Variants in LIPG observed in about 807,000 individuals in gnomAD.
LIPG encodes lipase G, endothelial type, also known as endothelial lipase.
In LIPG, 34 loss-of-function variants were observed where a neutral mutation model predicts 51.8. That is an observed-to-expected ratio of 0.66 (90% CI 0.50 to 0.87). The LOEUF is 0.87. LIPG is among the 40% of genes least tolerant of loss of function. The pLI is 0.00. For synonymous variants in LIPG, 246 were observed against 246.1 expected (o/e 1.00, Z 0.00); for missense variants, 580 against 652.7 (o/e 0.89, Z 1.21).
chr18:49,569,353 C>G, intron 3 of LIPG, 84 bp from the exon 4 acceptor site: 2 of 1,155,482 alleles, frequency 1.7e-6, no homozygotes. Flanking sequence ...CCTCCTGCTC[C>G]GTGACTGAGT....
chr18:49,576,214 G>A (rs1235833996), intron 5 of LIPG, among the ~76,000 whole-genome samples: 2 of 151,986 alleles, frequency 1.3e-5, no homozygotes, highest in Admixed American at 6.6e-5. Flanking sequence ...CTTGAATAAA[G>A]CAAAAGTGCG....
At chr18:49,574,970 C>T (rs1007853554) in intron 4 of LIPG, among the ~76,000 whole-genome samples, 5 of 152,148 alleles carry the variant, frequency 3.3e-5, no homozygotes, top group Non-Finnish European at 7.3e-5. Context: ...ATGAAAGATG[C>T]TCAGTGGCAG....
chr18:49,570,274 A>G (rs1343879630), intron 4 of LIPG, among the ~76,000 whole-genome samples: 1 of 152,234 alleles, frequency 6.6e-6, no homozygotes, highest in African/African-American at 2.4e-5. Context: ...AGCTTTTAAC[A>G]TGAGAGTTTG....
intron 8 of LIPG, among the ~76,000 whole-genome samples, chr18:49,585,586 G>T (rs2084872150): frequency 6.6e-6 from 1 of 152,160 alleles, no homozygotes; most frequent in African/African-American, 2.4e-5. Context: ...TAGTTGAGTT[G>T]TTGCTTTTTT....
At chr18:49,571,002 G>A (rs79181622) in intron 4 of LIPG, among the ~76,000 whole-genome samples, 7,782 of 152,260 alleles carry the variant, frequency 0.051, 304 homozygotes, top group Non-Finnish European at 0.066. Flanking sequence ...TAGTATGTGC[G>A]TGCACACACA....
Position 49,591,248 on chromosome 18 carries a change from A to G in LIPG, c.*726A>G, listed in dbSNP as rs2084940677. 2 of 155,552 alleles carry G rather than the reference A, an allele frequency of 1.3e-5. No homozygotes were observed. The allele number at this position is 155,552 out of a possible 1,614,324, so 9.6% of individuals were successfully genotyped here. ...ATTTCTAGACCCTCTTTCTGTTTGG[A>G]TGGTGTATGTGTATATGCATGGGGA... On this transcript the variant is annotated 3_prime_UTR_variant, in exon 10 of 10. Coordinates refer to ENST00000261292, the MANE Select transcript of LIPG (RefSeq NM_006033.4).
chr18:49,577,756 C>A (rs1446217278), intron 5 of LIPG, among the ~76,000 whole-genome samples: 1 of 95,702 alleles, frequency 1.0e-5, no homozygotes, highest in Non-Finnish European at 2.1e-5. Context: ...CTGACCCCCC[C>A]ACCTCCCTCC....
In LIPG at chr18:49,596,041, T is replaced by C. The variant is rs1385097451; in HGVS notation, c.*5519T>C. 1 of 152,140 alleles carries C rather than the reference T, an allele frequency of 6.6e-6. No homozygotes were observed. Among genetic ancestry groups the C allele is most frequent in the African/African-American group, 2.4e-5 (1 of 41,420 alleles). 9.4% of individuals were successfully genotyped at this position (152,140 alleles called of 1,614,324 possible). ...AATACCTATTGGGTACTATGCTTAT[T>C]ACCTGAGTGACGAAATAATCTGTAC... On this transcript the variant is annotated 3_prime_UTR_variant, in exon 10 of 10. Coordinates refer to ENST00000261292, the MANE Select transcript of LIPG (RefSeq NM_006033.4).
At chr18:49,567,361 A>T in intron 2 of LIPG, 81 bp from the exon 3 acceptor site, 2 of 1,374,974 alleles carry the variant, frequency 1.5e-6, no homozygotes, top group Non-Finnish European at 2.0e-6. Flanking sequence ...AATTGGGAAG[A>T]GGGTCATATA....
At chr18:49,575,767 G>C (rs1490407542) in intron 5 of LIPG, among the ~76,000 whole-genome samples, 177 bp downstream of exon 5, 1 of 151,522 alleles carries the variant, frequency 6.6e-6, no homozygotes, top group East Asian at 1.9e-4. Flanking sequence ...CCAACCCAGT[G>C]GTTCCTGCTT....
chr18:49,565,974 T>A (rs1192329215), intron 2 of LIPG, among the ~76,000 whole-genome samples: 3 of 152,198 alleles, frequency 2.0e-5, no homozygotes, highest in Non-Finnish European at 4.4e-5. Flanking sequence ...TGGGGCTCTT[T>A]ATGTGCCCTA....
chr18:49,582,452 A>G lies in LIPG; in HGVS notation c.1127A>G (p.Asn376Ser), dbSNP rs2084830308. 1 of 1,614,254 alleles carries G rather than the reference A, an allele frequency of 6.2e-7. No individual in the cohort carries two copies. Among genetic ancestry groups the G allele is most frequent in the East Asian group, 2.2e-5 (1 of 44,890 alleles). Residue 376 changes from asparagine (N) to serine (S), a missense_variant, in exon 7 of 10, where the codon AAT becomes AGT. By Grantham distance (46) the Asn-to-Ser change is conservative. Coordinates refer to ENST00000261292, the MANE Select transcript of LIPG (RefSeq NM_006033.4). ...TTTTACGTCACCCTTTATGGCACTAATGCAGATTCCCAGACTCTGCCACTG... is the reference window on the plus strand; with the variant it reads ...TTTTACGTCACCCTTTATGGCACTAGTGCAGATTCCCAGACTCTGCCACTG... ...PTFYVTLYGT[N>S]ADSQTLPLEI...
At chr18:49,570,688 C>T (rs1009816436) in intron 4 of LIPG, among the ~76,000 whole-genome samples, 5 of 152,026 alleles carry the variant, frequency 3.3e-5, no homozygotes, top group African/African-American at 1.2e-4. Context: ...AATTAGCCAG[C>T]TGTGGTGGCG....
At chr18:49,586,652 C>T (rs191499173) in intron 8 of LIPG, 94 bp from the exon 9 acceptor site, 10 of 877,954 alleles carry the variant, frequency 1.1e-5, no homozygotes, top group African/African-American at 4.9e-5. Context: ...AAAATTTCAC[C>T]CCTGCCTCCT....
chr18:49,571,337 G>C (rs1310317260), intron 4 of LIPG, among the ~76,000 whole-genome samples: 1 of 152,212 alleles, frequency 6.6e-6, no homozygotes, highest in Non-Finnish European at 1.5e-5. Context: ...TGCACATCTT[G>C]CCTTTCTCTA....
At chr18:49,578,271 T>G in intron 5 of LIPG, among the ~76,000 whole-genome samples, 1 of 125,540 alleles carries the variant, frequency 8.0e-6, no homozygotes, top group Non-Finnish European at 1.7e-5. Context: ...TCAGACGGGG[T>G]GGTTGCCAGG....
At chr18:49,563,158 G>A (rs977516737) in intron 1 of LIPG, among the ~76,000 whole-genome samples, 1 of 152,170 alleles carries the variant, frequency 6.6e-6, no homozygotes, top group Non-Finnish European at 1.5e-5. Flanking sequence ...GTGGAGGGCT[G>A]GGGAGCCTCT....
chr18:49,588,613 T>G (rs948998272), intron 9 of LIPG, among the ~76,000 whole-genome samples: 1 of 152,104 alleles, frequency 6.6e-6, no homozygotes, highest in Non-Finnish European at 1.5e-5. Context: ...ATCCTTCCCC[T>G]TTTTGGGAAA....
At chr18:49,573,244 G>A (rs1056585477) in intron 4 of LIPG, among the ~76,000 whole-genome samples, 6 of 152,238 alleles carry the variant, frequency 3.9e-5, no homozygotes, top group African/African-American at 1.4e-4. Flanking sequence ...AGGGGACATG[G>A]TGAGAGGCAG....
Sources: gnomAD v4.1 joint callset for allele counts (sites outside exome capture counted in the v4.1 genomes callset) on GRCh38, gnomAD v4.1.1 for gene constraint, MANE v1.5 for transcripts, NCBI Gene and HGNC (gene_info 2026-07-23, HGNC 2026-07-21) for gene names.